The following WDR35 variants were observed in gnomAD, a reference collection of about 807,000 sequenced individuals.
WDR35 encodes WD repeat-containing protein 35.
WDR35 carries 118 observed loss-of-function variants against 158.3 expected under a neutral mutation model. The ratio of observed to expected loss-of-function variants is 0.75; its 90% CI spans 0.64 to 0.87. The LOEUF is 0.87. Ranked by LOEUF, WDR35 falls within the 40% of genes least tolerant of loss-of-function variation. The pLI is 0.00. For synonymous variants in WDR35, 448 were observed against 476.1 expected (o/e 0.94, Z 0.77); for missense variants, 1,263 against 1,405.8 (o/e 0.90, Z 1.62).
In WDR35 at chr2:19,934,223, T is replaced by C. The variant is rs935937393; in HGVS notation, c.2548-712A>G. Reference sequence around the variant, plus strand: ...TGAAAGTATATTTTATATCCAACTTTTAAAACAATGCTTATATTTTTCTGA... The same window carrying C: ...TGAAAGTATATTTTATATCCAACTTCTAAAACAATGCTTATATTTTTCTGA... On this transcript the variant is annotated intron_variant, in intron 21 of 26. Transcript: ENST00000281405. This position sits in a 1 kb window ranked among gnomAD's most constrained non-coding sequence, Gnocchi z 4.6. Among the ~76,000 whole-genome samples, 8 of 152,210 alleles carry C rather than the reference T, an allele frequency of 5.3e-5. No individual in the cohort carries two copies. Among genetic ancestry groups the C allele is most frequent in the Admixed American group, 5.2e-4 (8 of 15,276 alleles).
intron 25 of WDR35, among the ~76,000 whole-genome samples, chr2:19,926,308 G>T (rs1558325011): frequency 6.6e-6 from 1 of 152,222 alleles, no homozygotes; most frequent in Non-Finnish European, 1.5e-5. Flanking sequence ...ACAACCTGCA[G>T]CCTGCTAAGT....
At chr2:19,960,651 G>T (rs770895093) in intron 10 of WDR35, 37 bp from the exon 11 acceptor site, 15 of 1,457,148 alleles carry the variant, frequency 1.0e-5, no homozygotes, top group Non-Finnish European at 1.4e-5. Context: ...CAGAACTCCT[G>T]CTTATGAATA....
chr2:19,933,437 T>C lies in WDR35; in HGVS notation c.2622A>G (p.Pro874=). Residue 874 remains proline (P), a synonymous_variant, in exon 22 of 27, where the codon CCA becomes CCG. Transcript: ENST00000281405. ...GTACGCAGGTATCTACTGCTGCCTTTGGTTGACTACATTTCAAAAATGCAG... is the reference window on the plus strand; with the variant it reads ...GTACGCAGGTATCTACTGCTGCCTTCGGTTGACTACATTTCAAAAATGCAG... The part of the protein sequence containing the change: ...AVTAFLKCSQ[P]KAAVDTCVHL... 1.2e-6 allele frequency: 2 copies of C among 1,614,064 alleles called. No homozygotes were observed. Among genetic ancestry groups the C allele is most frequent in the Non-Finnish European group, 1.7e-6 (2 of 1,179,970 alleles).
rs1670739618 is a variant in WDR35, at chr2:19,937,625, A to C, written c.2267+118T>G. 3 of 1,372,298 alleles carry C rather than the reference A, an allele frequency of 2.2e-6. No individual in the cohort carries two copies. In the African/African-American group the frequency reaches 4.3e-5, roughly 20 times the overall value. 85.0% of individuals were successfully genotyped at this position (1,372,298 alleles called of 1,614,324 possible). Reference sequence around the variant, plus strand: ...ATATCTAGGTTGTAATCCAAACTTAAAATTAATTTCTAAAAGGAACCATAT... The same window carrying C: ...ATATCTAGGTTGTAATCCAAACTTACAATTAATTTCTAAAAGGAACCATAT... On this transcript the variant is annotated intron_variant, in intron 19 of 26. Transcript: ENST00000281405.
At position 19,966,773 on chromosome 2, in the gene WDR35, C is replaced by T. The variant is rs760149345; in HGVS notation, c.1145G>A (p.Cys382Tyr). Residue 382 changes from cysteine (C) to tyrosine (Y), a missense_variant, in exon 10 of 27, where the codon TGT becomes TAT. By Grantham distance (194) the Cys-to-Tyr change is radical. Transcript: ENST00000281405. ...TGTAGCCAAAATGCAGAAATCTCCA[C>T]AGGTAGTAATAGAAATGAGACCCTT... The part of the protein sequence containing the change: ...YVKGLISITT[C>Y]GDFCILATKA... 3 of 1,613,982 alleles carry T rather than the reference C, an allele frequency of 1.9e-6. No individual in the cohort carries two copies. The highest frequency in any genetic ancestry group is 2.5e-6 in the Non-Finnish European group (3 of 1,179,946).
At chr2:19,989,367 T>A (rs1034563026) in intron 1 of WDR35, 85 bp from the exon 2 acceptor site, 5 of 1,275,580 alleles carry the variant, frequency 3.9e-6, no homozygotes, top group Non-Finnish European at 5.7e-6. Context: ...CTGAAGAAAA[T>A]CTTCCAAGAA....
In WDR35 at chr2:19,918,693, C is replaced by G. The variant is rs187316199; in HGVS notation, c.3122-4416G>C. Among the ~76,000 whole-genome samples the G allele has an allele frequency of 1.4e-3, 219 of 152,296 alleles. 1 individual carries two copies. Among genetic ancestry groups the G allele is most frequent in the African/African-American group, 4.0e-3 (166 of 41,550 alleles). ...AAAGGGATCAATGCAACAAGAAGAG[C>G]TAACCATCGTAAATATATATGGACC... On this transcript the variant is annotated intron_variant, in intron 25 of 26. Coordinates refer to ENST00000281405, the MANE Select transcript of WDR35 (RefSeq NM_020779.4).
Position 19,935,470 on chromosome 2 carries a change from C to T in WDR35, c.2547+1G>A. 1 of 1,612,822 alleles carries T rather than the reference C, an allele frequency of 6.2e-7. No homozygotes were observed. The highest frequency in any genetic ancestry group is 8.5e-7 in the Non-Finnish European group (1 of 1,179,480). ...CAAAAACTAAAATTTGCAATACCTA[C>T]TGGAAGTAACTTGTGGTTTTCTGGA... On this transcript the variant is annotated splice_donor_variant, in intron 21 of 26. Transcript: ENST00000281405. LOFTEE classifies it high-confidence loss of function.
In WDR35 at chr2:19,951,498, C is replaced by T. The variant is rs1185909326; in HGVS notation, c.1401-14G>A. 1 of 1,602,090 alleles carries T rather than the reference C, an allele frequency of 6.2e-7. No homozygotes were observed. Among genetic ancestry groups the T allele is most frequent in the Non-Finnish European group, 8.5e-7 (1 of 1,171,368 alleles). On this transcript the variant is annotated splice_polypyrimidine_tract_variant and intron_variant, in intron 12 of 26. Coordinates refer to ENST00000281405, the MANE Select transcript of WDR35 (RefSeq NM_020779.4). Reference sequence around the variant, plus strand: ...ACATGATAAATTCTGCAAAAAAGATCAGAATTTCAAAGAAAGTTTAAGTAT... The same window carrying T: ...ACATGATAAATTCTGCAAAAAAGATTAGAATTTCAAAGAAAGTTTAAGTAT...
chr2:19,965,913 G>A (rs889582575), intron 10 of WDR35, among the ~76,000 whole-genome samples: 2 of 152,176 alleles, frequency 1.3e-5, no homozygotes, highest in African/African-American at 4.8e-5. Context: ...AGTTGCCTCT[G>A]TTTTCTCCCT....
At chr2:19,960,926 T>C (rs1430564417) in intron 10 of WDR35, among the ~76,000 whole-genome samples, 2 of 152,114 alleles carry the variant, frequency 1.3e-5, no homozygotes, top group Non-Finnish European at 2.9e-5. Context: ...CTTCAAAAAG[T>C]TTATGGAAAA....
At chr2:19,924,023 GC>G (rs545341800) in intron 25 of WDR35, among the ~76,000 whole-genome samples, 2 of 152,234 alleles carry the variant, frequency 1.3e-5, no homozygotes, top group Admixed American at 1.3e-4. Flanking sequence ...CAGGCTGCTT[GC>G]AACGCCCAGG....
rs1015962204 is a variant in WDR35, at chr2:19,932,464, A to C, written c.2659-17T>G. 5 of 1,612,882 alleles carry C rather than the reference A, an allele frequency of 3.1e-6. No individual in the cohort carries two copies. The highest frequency in any genetic ancestry group is 1.3e-5 in the African/African-American group (1 of 74,890). On this transcript the variant is annotated splice_polypyrimidine_tract_variant and intron_variant, in intron 22 of 26. Transcript: ENST00000281405. Reference sequence around the variant, plus strand: ...TTTGTTCCACTAGGAGAAAAATTACACCATTCAGTCACCCAAGTATTTACA... The same window carrying C: ...TTTGTTCCACTAGGAGAAAAATTACCCCATTCAGTCACCCAAGTATTTACA...
chr2:19,915,417 C>T (rs1391443541), intron 25 of WDR35, among the ~76,000 whole-genome samples: 9 of 148,230 alleles, frequency 6.1e-5, no homozygotes, highest in Non-Finnish European at 1.5e-5. Flanking sequence ...TACATTGTTT[C>T]AGATCGTCTT....
chr2:19,983,476 T>G (rs1352217358), intron 2 of WDR35, among the ~76,000 whole-genome samples: 1 of 152,202 alleles, frequency 6.6e-6, no homozygotes, highest in African/African-American at 2.4e-5. Flanking sequence ...TCTTAAAAAT[T>G]TACTAACCAT....
At chr2:19,963,314 G>A (rs1251306346) in intron 10 of WDR35, among the ~76,000 whole-genome samples, 1 of 152,138 alleles carries the variant, frequency 6.6e-6, no homozygotes, top group Non-Finnish European at 1.5e-5. Flanking sequence ...GCCATCAAGT[G>A]TATCATGATT....
rs753630796 is a variant in WDR35, at chr2:19,932,295, T to C, written c.2811A>G (p.Lys937=). Residue 937 remains lysine (K), a synonymous_variant, in exon 23 of 27, where the codon AAA becomes AAG. Coordinates refer to ENST00000281405, the MANE Select transcript of WDR35 (RefSeq NM_020779.4). ...RKANYFFDAA[K]LMFKIADEEA... is the part of the protein sequence containing the mutation. ...ATTTTTACATTACCTTAAACATCAG[T>C]TTAGCTGCATCAAAAAAGTAATTGG... 6.2e-7 allele frequency: 1 copy of C among 1,613,294 alleles called. No homozygotes were observed. The highest frequency in any genetic ancestry group is 8.5e-7 in the Non-Finnish European group (1 of 1,179,496).
intron 25 of WDR35, among the ~76,000 whole-genome samples, chr2:19,923,274 TG>T (rs1480406340): frequency 1.3e-5 from 2 of 152,082 alleles, no homozygotes; most frequent in South Asian, 2.1e-4. Context: ...GCATCCACCG[TG>T]GGGGCTTGAA....
intron 10 of WDR35, chr2:19,962,322 C>T (rs1280513917): frequency 6.2e-7 from 1 of 1,612,984 alleles, no homozygotes; most frequent in Non-Finnish European, 8.5e-7. Flanking sequence ...CCATCTCGTT[C>T]TCCTCCTTTG....
Sources: gnomAD v4.1 joint callset for allele counts (sites outside exome capture counted in the v4.1 genomes callset) on GRCh38, gnomAD v4.1.1 for gene constraint, Gnocchi (gnomAD v3.1) non-coding constraint, MANE v1.5 for transcripts, NCBI Gene and HGNC (gene_info 2026-07-23, HGNC 2026-07-21) for gene names.